ATP6V1B1: variants seen among roughly 807,000 people sequenced by gnomAD.
ATP6V1B1 encodes ATPase H+ transporting V1 subunit B1.
A neutral mutation model predicts 62.1 loss-of-function variants in ATP6V1B1; 41 were observed. The ratio of observed to expected loss-of-function variants is 0.66; its 90% CI spans 0.51 to 0.86. The LOEUF (loss-of-function observed/expected upper bound fraction) is 0.86. Among genes scored for constraint, ATP6V1B1 ranks in the 40% least tolerant of loss-of-function variants. The pLI, the probability that ATP6V1B1 is intolerant of heterozygous loss-of-function variation, is 0.00. For synonymous variants in ATP6V1B1, 253 were observed against 273.4 expected, an observed-to-expected ratio of 0.93 and a Z score of 0.74; for missense variants, 651 against 697.5, an observed-to-expected ratio of 0.93 and a Z score of 0.75.
Position 70,961,654 on chromosome 2 carries a change from G to A in ATP6V1B1, c.746G>A (p.Gly249Glu). 2 of 1,614,220 alleles carry A rather than the reference G, an allele frequency of 1.2e-6. No individual in the cohort carries two copies. The highest frequency in any genetic ancestry group is 1.1e-5 in the South Asian group (1 of 91,084). ...KSDFEQNGTM[G>E]NVCLFLNLAN... ...GACTTTGAGCAGAATGGAACCATGG[G>A]GAACGTCTGCCTCTTCCTGAACTTG... Residue 249 changes from glycine to glutamate, a missense_variant, in exon 8 of 14, where the codon GGG becomes GAG. Physicochemically the swap from Gly to Glu is moderately conservative, Grantham distance 98 (BLOSUM62 -2). Transcript: ENST00000234396.
rs531613183 is a variant in ATP6V1B1 at position 70,952,320 on chromosome 2, G to A, written c.175-5726G>A. On this transcript the variant is annotated intron_variant, in intron 2 of 13. Coordinates refer to ENST00000234396, the MANE Select transcript of ATP6V1B1 (RefSeq NM_001692.4). ...CTACTAAAAATACAAAAAATCAGCC[G>A]GGCGTGATGGCGCACACCTGTAATC... Among the ~76,000 whole-genome samples the A allele has an allele frequency of 3.9e-5, 6 of 152,128 alleles. No individual in the cohort carries two copies. The East Asian group carries it at 5.8e-4, about 15-fold the overall frequency.
At chr2:70,944,781 G>A (rs1321031113) in intron 2 of ATP6V1B1, among the ~76,000 whole-genome samples, 2 of 149,576 alleles carry the variant, frequency 1.3e-5, no homozygotes, top group Non-Finnish European at 3.0e-5. Context: ...CTATTCTCCT[G>A]CCTCAGCCTC....
intron 7 of ATP6V1B1, 57 bp from the exon 8 acceptor site, chr2:70,961,539 A>C (rs1553420096): frequency 2.6e-6 from 4 of 1,554,602 alleles, no homozygotes; most frequent in Non-Finnish European, 3.6e-6. Flanking sequence ...GGGAGGGGCC[A>C]GGCCTTGCCC....
In ATP6V1B1 at chr2:70,958,489, A is replaced by C. The variant is rs531801698; in HGVS notation, c.367+63A>C. 7.4e-6 allele frequency: 11 copies of C among 1,489,650 alleles called. No homozygotes were observed. In the African/African-American group the frequency reaches 1.5e-4, roughly 21 times the overall value. 92.3% of individuals were successfully genotyped at this position (1,489,650 alleles called of 1,614,324 possible). A position where few individuals can be genotyped will look rare whatever the true frequency, so the allele number is the denominator to read the frequency against. ...CTGCCCTCCCAGCCCAGCTTCTCTG[A>C]CCAAACCCTCAGCACACTACACTGT... On this transcript the variant is annotated intron_variant, in intron 4 of 13. Transcript: ENST00000234396.
chr2:70,938,433 C>A, intron 1 of ATP6V1B1: 2 of 527,206 alleles, frequency 3.8e-6, no homozygotes, highest in Non-Finnish European at 4.9e-6. Flanking sequence ...GACAGGAGAA[C>A]TCTGGGAGAA....
At position 70,964,851 on chromosome 2, in the gene ATP6V1B1, ACTT is replaced by A; in HGVS notation, c.1366_1368del (p.Phe456del). The A allele has an allele frequency of 6.2e-7, 1 of 1,613,968 alleles. No individual in the cohort carries two copies. Among genetic ancestry groups the A allele is most frequent in the Non-Finnish European group, 8.5e-7 (1 of 1,180,026 alleles). ...GAATTCCTGCAGAAGTTTGAGAAGA[ACTT>A]CATCAATCAGGGTAAGGCGCGTCGC... On this transcript the variant is annotated inframe_deletion, in exon 13 of 14. Transcript: ENST00000234396.
intron 2 of ATP6V1B1, among the ~76,000 whole-genome samples, chr2:70,956,921 G>A (rs1439987076): frequency 1.3e-5 from 2 of 152,064 alleles, no homozygotes; most frequent in Admixed American, 1.3e-4. Flanking sequence ...AGTGTGTGAA[G>A]TGGCATCTAT....
At chr2:70,961,478 AC>A in intron 7 of ATP6V1B1, 117 bp from the exon 8 acceptor site, 1 of 1,068,796 alleles carries the variant, frequency 9.4e-7, no homozygotes, top group Non-Finnish European at 1.4e-6. Context: ...TGGTGTCTTC[AC>A]CCCCAGCGAC....
At chr2:70,941,337 C>T (rs1281234834) in intron 1 of ATP6V1B1, 3 of 985,614 alleles carry the variant, frequency 3.0e-6, no homozygotes, top group Middle Eastern at 5.2e-4. Context: ...GCACCTGAAG[C>T]GAGCCTGTGC....
chr2:70,942,909 C>T lies in ATP6V1B1; in HGVS notation c.119-749C>T, dbSNP rs564483770. On this transcript the variant is annotated intron_variant, in intron 1 of 13. Coordinates refer to ENST00000234396, the MANE Select transcript of ATP6V1B1 (RefSeq NM_001692.4). Reference sequence around the variant, plus strand: ...CAGCCAGCCTCTAGCAGAACCAAAACTAGGCTTGCCTCCCGCAAGTCCACA... The same window carrying T: ...CAGCCAGCCTCTAGCAGAACCAAAATTAGGCTTGCCTCCCGCAAGTCCACA... Among the ~76,000 whole-genome samples, 3 of 152,364 alleles carry T rather than the reference C, an allele frequency of 2.0e-5. No individual in the cohort carries two copies. The South Asian group carries it at 6.2e-4, about 32-fold the overall frequency.
At chr2:70,943,559 G>A (rs782227685) in intron 1 of ATP6V1B1, 99 bp from the exon 2 acceptor site, 2 of 1,259,498 alleles carry the variant, frequency 1.6e-6, no homozygotes, top group East Asian at 2.5e-5. Context: ...TGGGAAGGAG[G>A]TGGGGTGTGG....
intron 2 of ATP6V1B1, chr2:70,956,346 C>T (rs1205958598): frequency 1.8e-5 from 3 of 163,132 alleles, no homozygotes; most frequent in African/African-American, 7.2e-5. Context: ...CATTCCAGGG[C>T]TGCCCCCTGA....
intron 2 of ATP6V1B1, among the ~76,000 whole-genome samples, chr2:70,946,208 C>G (rs1680170581): frequency 6.6e-6 from 1 of 152,118 alleles, no homozygotes; most frequent in African/African-American, 2.4e-5. Context: ...AAAACCTGAG[C>G]CAACAATATT....
intron 7 of ATP6V1B1, 116 bp from the exon 8 acceptor site, chr2:70,961,480 C>A: frequency 9.1e-7 from 1 of 1,095,972 alleles, no homozygotes. Context: ...GTGTCTTCAC[C>A]CCCAGCGACT....
chr2:70,960,485 A>C (rs1680560091), intron 6 of ATP6V1B1, among the ~76,000 whole-genome samples: 1 of 152,150 alleles, frequency 6.6e-6, no homozygotes. Context: ...CAGCACCCTG[A>C]TCACTCAAAA....
chr2:70,952,437 TGG>T (rs1238611197), intron 2 of ATP6V1B1, among the ~76,000 whole-genome samples: 6 of 149,758 alleles, frequency 4.0e-5, no homozygotes, highest in Admixed American at 1.3e-4. Context: ...CATTCCAGCC[TGG>T]GGGACAGAGT....
intron 1 of ATP6V1B1, chr2:70,943,454 G>T (rs1680058066): frequency 1.4e-6 from 1 of 690,892 alleles, no homozygotes. Flanking sequence ...GCCTCCTGCA[G>T]GTGTCCGAGC....
Position 70,965,255 on chromosome 2 carries a change from C to T in ATP6V1B1, c.*134C>T. 8.0e-7 allele frequency: 1 copy of T among 1,251,538 alleles called. No homozygotes were observed. Among genetic ancestry groups the T allele is most frequent in the Non-Finnish European group, 1.1e-6 (1 of 898,156 alleles). 77.5% of individuals were successfully genotyped at this position (1,251,538 alleles called of 1,614,324 possible). A position where few individuals can be genotyped will look rare whatever the true frequency, so the allele number is the denominator to read the frequency against. Reference sequence around the variant, plus strand: ...CGCTGGCTCCGAGGTGGTGGGGGCGCCGCACGCTCCATCCCTTTCCCTCGC... The same window carrying T: ...CGCTGGCTCCGAGGTGGTGGGGGCGTCGCACGCTCCATCCCTTTCCCTCGC... On this transcript the variant is annotated 3_prime_UTR_variant, in exon 14 of 14. Transcript: ENST00000234396.
At chr2:70,936,181 C>T in intron 1 of ATP6V1B1, 109 bp downstream of exon 1, 1 of 1,117,664 alleles carries the variant, frequency 8.9e-7, no homozygotes, top group Non-Finnish European at 1.3e-6. Context: ...GGACCCAAGA[C>T]CTGGGGAGAC....
Sources: gnomAD v4.1 joint callset for allele counts (sites outside exome capture counted in the v4.1 genomes callset) on GRCh38, gnomAD v4.1.1 for gene constraint, MANE v1.5 for transcripts, NCBI Gene and HGNC (gene_info 2026-07-23, HGNC 2026-07-21) for gene names.